HOXC8: variants seen among roughly 807,000 people sequenced by gnomAD.
The protein encoded by HOXC8 is homeobox C8.
HOXC8 carries 14 observed loss-of-function variants against 25.8 expected under a neutral mutation model. That is an observed-to-expected ratio of 0.54 (90% CI 0.36 to 0.85). HOXC8 has a LOEUF of 0.85. HOXC8 is among the 40% of genes least tolerant of loss of function. The probability of loss-of-function intolerance (pLI) is 0.01; values close to 1 mark genes in which losing one functional copy is unlikely to be tolerated. For missense variants in HOXC8, 316 were observed against 308.8 expected (o/e 1.02, Z -0.17); for synonymous variants, 144 against 124.6 (o/e 1.16, Z -1.04).
chr12:54,010,550 G>C (rs879631910), intron 1 of HOXC8, among the ~76,000 whole-genome samples: 1 of 152,228 alleles, frequency 6.6e-6, no homozygotes, highest in African/African-American at 2.4e-5. Flanking sequence ...GACAAGTTCC[G>C]GCGGGGATGG....
Position 54,009,305 on chromosome 12 carries a change from C to A in HOXC8, c.21C>A (p.Asn7Lys). Residue 7 changes from asparagine to lysine, a missense_variant, in exon 1 of 2, where the codon AAC becomes AAA. By Grantham distance (94) the Asn-to-Lys change is moderately conservative. Coordinates refer to ENST00000040584, the MANE Select transcript of HOXC8 (RefSeq NM_022658.4). This position sits in a 1 kb window ranked among gnomAD's most constrained non-coding sequence, Gnocchi z 5.0. ...CCAGCATGAGCTCCTACTTCGTCAACCCCCTGTTCTCCAAATACAAAGCCG... is the reference window on the plus strand; with the variant it reads ...CCAGCATGAGCTCCTACTTCGTCAAACCCCTGTTCTCCAAATACAAAGCCG... MSSYFV[N>K]PLFSKYKAGE... 1 of 1,595,856 alleles carries A rather than the reference C, an allele frequency of 6.3e-7. No homozygotes were observed. Among genetic ancestry groups the A allele is most frequent in the Non-Finnish European group, 8.6e-7 (1 of 1,168,412 alleles).
chr12:54,009,105 G>A lies in HOXC8; in HGVS notation c.-180G>A, dbSNP rs947632391. The stretch of plus-strand genomic sequence containing the variant: ...CCAGCCCCGGGAGCTCTGCTGATCC[G>A]GCCGAGCTCAGCACCGAGGCGCCCC... On this transcript the variant is annotated 5_prime_UTR_variant, in exon 1 of 2. Transcript: ENST00000040584. This position sits in a 1 kb window ranked among gnomAD's most constrained non-coding sequence, Gnocchi z 5.0. 1.7e-5 allele frequency: 7 copies of A among 423,002 alleles called. No homozygotes were observed. The highest frequency in any genetic ancestry group is 8.0e-5 in the African/African-American group (4 of 49,698). The allele number at this position is 423,002 out of a possible 1,614,324, so 26.2% of individuals were successfully genotyped here. A position where few individuals can be genotyped will look rare whatever the true frequency, so the allele number is the denominator to read the frequency against.
In HOXC8 at chr12:54,011,352, G is replaced by A; in HGVS notation, c.700G>A (p.Glu234Lys). ...EEGNEEEEKEEEEKEENKD is the reference protein window; with the variant it reads ...EEGNEEEEKEKEEKEENKD ...AGGAAATGAGGAAGAGGAGAAAGAAGAGGAGGAAAAGGAAGAAAACAAGGA... is the reference window on the plus strand; with the variant it reads ...AGGAAATGAGGAAGAGGAGAAAGAAAAGGAGGAAAAGGAAGAAAACAAGGA... Residue 234 changes from glutamate (E) to lysine (K), a missense_variant, in exon 2 of 2, where the codon GAG (glutamate) becomes AAG (lysine). Coordinates refer to ENST00000040584, the MANE Select transcript of HOXC8 (RefSeq NM_022658.4). The A allele has an allele frequency of 4.1e-6, 6 of 1,471,204 alleles. No homozygotes were observed. The highest frequency in any genetic ancestry group is 1.5e-5 in the South Asian group (1 of 67,388). The allele number at this position is 1,471,204 out of a possible 1,614,324, so 91.1% of individuals were successfully genotyped here. A position where few individuals can be genotyped will look rare whatever the true frequency, so the allele number is the denominator to read the frequency against.
rs1274712367 is a variant in HOXC8 at position 54,009,421 on chromosome 12, C to A, written c.137C>A (p.Ala46Glu). The A allele has an allele frequency of 1.2e-6, 2 of 1,614,036 alleles. No individual in the cohort carries two copies. Among genetic ancestry groups the A allele is most frequent in the South Asian group, 2.2e-5 (2 of 91,072 alleles). The change falls in exon 1 of 2, where the codon GCG (alanine) becomes GAG (glutamate). Residue 46 changes from alanine to glutamate, a missense_variant. By Grantham distance (107) the Ala-to-Glu change is moderately radical. Transcript: ENST00000040584. The surrounding 1 kb of genome is among the most constrained non-coding windows in gnomAD (Gnocchi z 5.0). ...HALVYGPGGS[A>E]PGFQHASHHV... is the part of the protein sequence containing the mutation. ...CTGGTGTACGGGCCCGGCGGCTCGG[C>A]GCCCGGCTTCCAGCACGCTTCGCAC...
chr12:54,011,235 A>G lies in HOXC8; in HGVS notation c.583A>G (p.Ile195Val). The change falls in exon 2 of 2, where the codon ATC becomes GTC. Residue 195 changes from isoleucine (I) to valine (V), a missense_variant. Ile to Val is a conservative substitution (Grantham distance 29). Coordinates refer to ENST00000040584, the MANE Select transcript of HOXC8 (RefSeq NM_022658.4). ...ALGLTERQVK[I>V]WFQNRRMKWK... ...GGGACTGACCGAGAGACAAGTGAAG[A>G]TCTGGTTCCAGAACCGAAGGATGAA... The G allele has an allele frequency of 1.2e-6, 2 of 1,613,458 alleles. No homozygotes were observed. The highest frequency in any genetic ancestry group is 1.7e-6 in the Non-Finnish European group (2 of 1,179,776).
At chr12:54,010,327 C>CG (rs1939957869) in intron 1 of HOXC8, among the ~76,000 whole-genome samples, 2 of 152,064 alleles carry the variant, frequency 1.3e-5, no homozygotes, top group South Asian at 4.1e-4. Flanking sequence ...TGGGAGAAGA[C>CG]GGGGGAGCCT....
At position 54,011,405 on chromosome 12, in the gene HOXC8, C is replaced by CT. The variant is rs386763147; in HGVS notation, c.*24_*25insT. 109 of 1,422,150 alleles carry CT rather than the reference C, an allele frequency of 7.7e-5. No homozygotes were observed. The highest frequency in any genetic ancestry group is 9.9e-5 in the Non-Finnish European group (107 of 1,084,370). The allele number at this position is 1,422,150 out of a possible 1,614,324, so 88.1% of individuals were successfully genotyped here. A position where few individuals can be genotyped will look rare whatever the true frequency, so the allele number is the denominator to read the frequency against. ...AAGCAAAAAAGAAAGACCCCCCCCC[C>CT]CTTAGCAACTCCCTTGAAGTTTCGT... On this transcript the variant is annotated 3_prime_UTR_variant, in exon 2 of 2. Coordinates refer to ENST00000040584, the MANE Select transcript of HOXC8 (RefSeq NM_022658.4).
At position 54,012,137 on chromosome 12, in the gene HOXC8, C is replaced by G. The variant is rs73313182; in HGVS notation, c.*756C>G. On this transcript the variant is annotated 3_prime_UTR_variant, in exon 2 of 2. Transcript: ENST00000040584. ...CTCGGGCCCATGCCTTCCTCTCCTT[C>G]GCTGTTTGATTTCTATTCTGTTGGG... 2 of 152,570 alleles carry G rather than the reference C, an allele frequency of 1.3e-5. No individual in the cohort carries two copies. Among genetic ancestry groups the G allele is most frequent in the Admixed American group, 6.5e-5 (1 of 15,282 alleles). 9.5% of individuals were successfully genotyped at this position (152,570 alleles called of 1,614,324 possible). A position where few individuals can be genotyped will look rare whatever the true frequency, so the allele number is the denominator to read the frequency against.
In HOXC8 at chr12:54,011,360, A is replaced by G; in HGVS notation, c.708A>G (p.Glu236=). The change falls in exon 2 of 2, where the codon GAA becomes GAG. Residue 236 remains glutamate (E), a synonymous_variant. Coordinates refer to ENST00000040584, the MANE Select transcript of HOXC8 (RefSeq NM_022658.4). The part of the protein sequence containing the change: ...GNEEEEKEEE[E]KEENKD The stretch of plus-strand genomic sequence containing the variant: ...AGGAAGAGGAGAAAGAAGAGGAGGA[A>G]AAGGAAGAAAACAAGGACTAAGCAA... The G allele has an allele frequency of 6.7e-7, 1 of 1,489,860 alleles. No individual in the cohort carries two copies. The highest frequency in any genetic ancestry group is 1.4e-5 in the South Asian group (1 of 70,954). 92.3% of individuals were successfully genotyped at this position (1,489,860 alleles called of 1,614,324 possible). A position where few individuals can be genotyped will look rare whatever the true frequency, so the allele number is the denominator to read the frequency against.
rs2083837 is a variant in HOXC8 at position 54,009,600 on chromosome 12, G to T, written c.316G>T (p.Ala106Ser). 2.6e-3 allele frequency: 4,236 copies of T among 1,614,230 alleles called. 235 individuals are homozygous for T. In the Admixed American group the frequency reaches 0.068, roughly 26 times the overall value. Reference protein sequence around the residue: ...RQSLYGAQQEASVVQYPDCKS... With the variant: ...RQSLYGAQQESSVVQYPDCKS... ...GTCCCTTTATGGGGCTCAGCAAGAGGCGAGCGTGGTGCAATATCCCGACTG... is the reference window on the plus strand; with the variant it reads ...GTCCCTTTATGGGGCTCAGCAAGAGTCGAGCGTGGTGCAATATCCCGACTG... The change falls in exon 1 of 2, where the codon GCG becomes TCG. Residue 106 changes from alanine to serine, a missense_variant. Coordinates refer to ENST00000040584, the MANE Select transcript of HOXC8 (RefSeq NM_022658.4). The surrounding 1 kb of genome is among the most constrained non-coding windows in gnomAD (Gnocchi z 5.0).
Position 54,012,390 on chromosome 12 carries a change from C to T in HOXC8, c.*1009C>T, listed in dbSNP as rs1940017846. 6.7e-6 allele frequency: 1 copy of T among 150,300 alleles called. No homozygotes were observed. The highest frequency in any genetic ancestry group is 2.4e-5 in the African/African-American group (1 of 40,860). 9.3% of individuals were successfully genotyped at this position (150,300 alleles called of 1,614,324 possible). The stretch of plus-strand genomic sequence containing the variant: ...AACCTCCAGCGTATTTTATCACTAC[C>T]TATAGAAAGAAATCCTGCTTTGAGA... On this transcript the variant is annotated 3_prime_UTR_variant, in exon 2 of 2. Transcript: ENST00000040584.
At position 54,012,189 on chromosome 12, in the gene HOXC8, G is replaced by A. The variant is rs1236203459; in HGVS notation, c.*808G>A. 1 of 152,264 alleles carries A rather than the reference G, an allele frequency of 6.6e-6. No individual in the cohort carries two copies. The highest frequency in any genetic ancestry group is 1.5e-5 in the Non-Finnish European group (1 of 68,014). The allele number at this position is 152,264 out of a possible 1,614,324, so 9.4% of individuals were successfully genotyped here. On this transcript the variant is annotated 3_prime_UTR_variant, in exon 2 of 2. Transcript: ENST00000040584. The stretch of plus-strand genomic sequence containing the variant: ...CCGCCTTCCTCTGAGCTGCATTAGT[G>A]TTAGTGCTCAGAAATCACCATAATC...
intron 1 of HOXC8, among the ~76,000 whole-genome samples, chr12:54,010,639 A>AT (rs1008988955): frequency 1.2e-4 from 18 of 152,230 alleles, no homozygotes; most frequent in Non-Finnish European, 2.6e-4. Context: ...TATTTTTCTT[A>AT]TTGGAAAAGC....
chr12:54,010,960 C>A lies in HOXC8; in HGVS notation c.437-129C>A, dbSNP rs1939978277. 7.3e-6 allele frequency: 4 copies of A among 545,512 alleles called. No homozygotes were observed. The South Asian group carries it at 8.5e-5, about 12-fold the overall frequency. The allele number at this position is 545,512 out of a possible 1,614,324, so 33.8% of individuals were successfully genotyped here. On this transcript the variant is annotated intron_variant, in intron 1 of 1. Transcript: ENST00000040584. The stretch of plus-strand genomic sequence containing the variant: ...CTTTTCTGCCCTTGTCTGCCTTCTG[C>A]TCTAGCCTTTTCCATAGAGGGGAGG...
Position 54,011,424 on chromosome 12 carries a change from G to GT in HOXC8, c.*46dup, listed in dbSNP as rs760209116. 12 of 1,461,080 alleles carry GT rather than the reference G, an allele frequency of 8.2e-6. No homozygotes were observed. The highest frequency in any genetic ancestry group is 1.5e-5 in the African/African-American group (1 of 68,034). 90.5% of individuals were successfully genotyped at this position (1,461,080 alleles called of 1,614,324 possible). ...CCCCCCCCTTAGCAACTCCCTTGAA[G>GT]TTTCGTTTTATGGTAGCAGATAAAT... On this transcript the variant is annotated 3_prime_UTR_variant, in exon 2 of 2. Coordinates refer to ENST00000040584, the MANE Select transcript of HOXC8 (RefSeq NM_022658.4).
chr12:54,009,078 C>A lies in HOXC8; in HGVS notation c.-207C>A. On this transcript the variant is annotated 5_prime_UTR_variant, in exon 1 of 2. Coordinates refer to ENST00000040584, the MANE Select transcript of HOXC8 (RefSeq NM_022658.4). The surrounding 1 kb of genome is among the most constrained non-coding windows in gnomAD (Gnocchi z 5.0). ...CCGCCCGCCGCCGCCGCCGCCCGCG[C>A]CCCAGCCCCGGGAGCTCTGCTGATC... 8.3e-6 allele frequency: 2 copies of A among 240,528 alleles called. No homozygotes were observed. The highest frequency in any genetic ancestry group is 1.6e-5 in the Non-Finnish European group (2 of 128,092). The allele number at this position is 240,528 out of a possible 1,614,324, so 14.9% of individuals were successfully genotyped here.
Position 54,009,242 on chromosome 12 carries a change from G to C in HOXC8, c.-43G>C. ...TTCGGGGGTACTGGGCGGGGTACTC[G>C]TGAGCCAGAGGGGAGGGGGCCGCGG... is the stretch of plus-strand genomic sequence containing the variant. On this transcript the variant is annotated 5_prime_UTR_variant, in exon 1 of 2. Transcript: ENST00000040584. The surrounding 1 kb of genome is among the most constrained non-coding windows in gnomAD (Gnocchi z 5.0). 6.7e-7 allele frequency: 1 copy of C among 1,500,046 alleles called. No homozygotes were observed. The highest frequency in any genetic ancestry group is 1.4e-5 in the African/African-American group (1 of 71,678). The allele number at this position is 1,500,046 out of a possible 1,614,324, so 92.9% of individuals were successfully genotyped here. A position where few individuals can be genotyped will look rare whatever the true frequency, so the allele number is the denominator to read the frequency against.
At position 54,012,230 on chromosome 12, in the gene HOXC8, AT is replaced by A. The variant is rs992216667; in HGVS notation, c.*850del. On this transcript the variant is annotated 3_prime_UTR_variant, in exon 2 of 2. Coordinates refer to ENST00000040584, the MANE Select transcript of HOXC8 (RefSeq NM_022658.4). The stretch of plus-strand genomic sequence containing the variant: ...CACCATAATCACGAAAATAATAATA[AT>A]AAATCTTTAACATACTACCTAAAGG... 2.0e-5 allele frequency: 3 copies of A among 152,386 alleles called. No homozygotes were observed. The highest frequency in any genetic ancestry group is 7.3e-5 in the African/African-American group (3 of 41,368). 9.4% of individuals were successfully genotyped at this position (152,386 alleles called of 1,614,324 possible).
In HOXC8 at chr12:54,009,323, C is replaced by CA. The variant is rs1477456169; in HGVS notation, c.42dup (p.Ala15SerfsTer66). ...TCGTCAACCCCCTGTTCTCCAAATA[C>CA]AAAGCCGGCGAGTCCCTGGAACCGG... On this transcript the variant is annotated frameshift_variant, in exon 1 of 2. Coordinates refer to ENST00000040584, the MANE Select transcript of HOXC8 (RefSeq NM_022658.4). LOFTEE classifies it high-confidence loss of function. The surrounding 1 kb of genome is among the most constrained non-coding windows in gnomAD (Gnocchi z 5.0). 6.2e-7 allele frequency: 1 copy of CA among 1,604,094 alleles called. No homozygotes were observed. Among genetic ancestry groups the CA allele is most frequent in the South Asian group, 1.1e-5 (1 of 90,582 alleles).
Sources: gnomAD v4.1 joint callset for allele counts (sites outside exome capture counted in the v4.1 genomes callset) on GRCh38, gnomAD v4.1.1 for gene constraint, Gnocchi (gnomAD v3.1) non-coding constraint, MANE v1.5 for transcripts, NCBI Gene and HGNC (gene_info 2026-07-23, HGNC 2026-07-21) for gene names.